Variants in PRIM2 observed in about 807,000 individuals in gnomAD.
PRIM2 encodes DNA primase large subunit.
In PRIM2, 39 loss-of-function variants were observed where a neutral mutation model predicts 67.3. The ratio of observed to expected loss-of-function variants is 0.58; its 90% confidence interval spans 0.45 to 0.76. The LOEUF (loss-of-function observed/expected upper bound fraction) is 0.76. Among genes scored for constraint, PRIM2 ranks in the 30% least tolerant of loss-of-function variants. PRIM2 has a pLI of 0.00. For missense variants in PRIM2, 398 were observed against 598.7 expected (o/e 0.66, Z 3.50); for synonymous variants, 143 against 198.7 (o/e 0.72, Z 2.36).
chr6:57,494,927 C>A (rs1347595021), intron 7 of PRIM2, among the ~76,000 whole-genome samples: 1 of 152,130 alleles, frequency 6.6e-6, no homozygotes, highest in East Asian at 1.9e-4. Flanking sequence ...AGACATTATA[C>A]TTTTCTATTT....
At chr6:57,296,705 A>G in the PRIM2 span, among the ~76,000 whole-genome samples, 1 of 152,012 alleles carries the variant, frequency 6.6e-6, no homozygotes, top group Non-Finnish European at 1.5e-5. Context: ...CTGTATGCAG[A>G]GAGGGCCTGG....
chr6:57,285,532 T>A, the PRIM2 span, among the ~76,000 whole-genome samples: 13 of 152,182 alleles, frequency 8.5e-5, no homozygotes, highest in Non-Finnish European at 1.8e-4. Flanking sequence ...CACATCATTA[T>A]CTCGATAGAT....
At chr6:57,508,281 G>C (rs1268681113) in intron 8 of PRIM2, among the ~76,000 whole-genome samples, 193 of 151,664 alleles carry the variant, frequency 1.3e-3, no homozygotes, top group African/African-American at 4.6e-3. Flanking sequence ...TTTTTACTTA[G>C]TGTTGAAATT....
intron 7 of PRIM2, among the ~76,000 whole-genome samples, chr6:57,436,297 C>T (rs1371916491): frequency 6.6e-6 from 1 of 152,098 alleles, no homozygotes; most frequent in Non-Finnish European, 1.5e-5. Context: ...ATGAATAAAC[C>T]ACACCATATC....
intron 8 of PRIM2, among the ~76,000 whole-genome samples, chr6:57,513,459 A>C (rs1183855168): frequency 2.0e-5 from 3 of 151,456 alleles, no homozygotes; most frequent in African/African-American, 7.3e-5. Context: ...CATATTATAC[A>C]TGTGATAACT....
chr6:57,431,462 G>C (rs1771824422), intron 7 of PRIM2, among the ~76,000 whole-genome samples: 1 of 151,824 alleles, frequency 6.6e-6, no homozygotes, highest in Non-Finnish European at 1.5e-5. Flanking sequence ...AGACCAGCCT[G>C]GGCAATAAAG....
Position 57,461,640 on chromosome 6 carries a change from G to A in PRIM2, c.694-45747G>A, listed in dbSNP as rs1409620281. On this transcript the variant is annotated intron_variant, in intron 7 of 13. Coordinates refer to ENST00000615550, the MANE Select transcript of PRIM2 (RefSeq NM_000947.5). ...TTTTCAATGTATGTATCTTTAATAA[G>A]GTAATAGGAAATCCATGTTTCATCT... Among the ~76,000 whole-genome samples the A allele has an allele frequency of 1.9e-4, 29 of 152,072 alleles. No homozygotes were observed. In the South Asian group the frequency reaches 5.6e-3, roughly 29 times the overall value.
chr6:57,227,641 C>CAAAA, the PRIM2 span, among the ~76,000 whole-genome samples: 39 of 84,002 alleles, frequency 4.6e-4, no homozygotes, highest in Non-Finnish European at 6.6e-4. Context: ...GAGACCATCT[C>CAAAA]AAAAAAAAAA....
intron 5 of PRIM2, among the ~76,000 whole-genome samples, chr6:57,331,787 C>A (rs955306572): frequency 2.6e-5 from 4 of 151,352 alleles, no homozygotes; most frequent in African/African-American, 9.7e-5. Context: ...TTAGAGTCTT[C>A]TCTTTTTTTT....
chr6:57,634,057 A>G (rs1292445805), intron 13 of PRIM2, among the ~76,000 whole-genome samples: 2 of 152,242 alleles, frequency 1.3e-5, no homozygotes, highest in East Asian at 1.9e-4. Flanking sequence ...AAGTTAAACA[A>G]TCTGTGTGGG....
intron 7 of PRIM2, among the ~76,000 whole-genome samples, chr6:57,415,353 T>C (rs1431828154): frequency 6.6e-6 from 1 of 152,218 alleles, no homozygotes; most frequent in Admixed American, 6.6e-5. Flanking sequence ...AGGCATGCCA[T>C]ATAAATTTTT....
At chr6:57,242,142 T>C in the PRIM2 span, among the ~76,000 whole-genome samples, 10,691 of 152,254 alleles carry the variant, frequency 0.07, 444 homozygotes, top group Non-Finnish European at 0.1. Context: ...TACAAGGTAA[T>C]GAGATCACAC....
intron 7 of PRIM2, among the ~76,000 whole-genome samples, chr6:57,421,091 CAG>C (rs1461091268): frequency 2.0e-5 from 3 of 152,000 alleles, no homozygotes; most frequent in Non-Finnish European, 4.4e-5. Context: ...GAAGAGCACT[CAG>C]AGAAGCTCAA....
chr6:57,442,167 G>C (rs1295980995), intron 7 of PRIM2, among the ~76,000 whole-genome samples: 5 of 151,794 alleles, frequency 3.3e-5, no homozygotes, highest in African/African-American at 1.2e-4. Flanking sequence ...TTTTTCTCCT[G>C]GTCTGTAATT....
intron 5 of PRIM2, among the ~76,000 whole-genome samples, chr6:57,330,495 C>T (rs1454150093): frequency 6.6e-6 from 1 of 151,668 alleles, no homozygotes; most frequent in Admixed American, 6.6e-5. Flanking sequence ...CCACCACACC[C>T]TGCTAATTTT....
In PRIM2 at chr6:57,377,057, T is replaced by C. The variant is rs866760548; in HGVS notation, c.460-2844T>C. On this transcript the variant is annotated intron_variant, in intron 5 of 13. Transcript: ENST00000615550. ...ATGCCCAGCTAATTTTTTTTTTTTTTTTTGGTATCTTTAGTAGAGATGGGG... is the reference window on the plus strand; with the variant it reads ...ATGCCCAGCTAATTTTTTTTTTTTTCTTTGGTATCTTTAGTAGAGATGGGG... Among the ~76,000 whole-genome samples the C allele has an allele frequency of 2.7e-4, 41 of 151,294 alleles. No individual in the cohort carries two copies. The South Asian group carries it at 8.6e-3, about 32-fold the overall frequency.
intron 7 of PRIM2, among the ~76,000 whole-genome samples, chr6:57,446,582 C>T (rs1010254205): frequency 2.0e-5 from 3 of 151,598 alleles, no homozygotes; most frequent in Non-Finnish European, 4.4e-5. Flanking sequence ...CCTGGGGCTG[C>T]TTTCCTAGAT....
intron 7 of PRIM2, among the ~76,000 whole-genome samples, chr6:57,431,442 C>G (rs1162779182): frequency 6.6e-6 from 1 of 151,918 alleles, no homozygotes; most frequent in Non-Finnish European, 1.5e-5. Flanking sequence ...CACTTGATCC[C>G]AGGAGTTTCA....
chr6:57,359,122 A>T (rs1243474801), intron 5 of PRIM2, among the ~76,000 whole-genome samples: 1 of 152,222 alleles, frequency 6.6e-6, no homozygotes, highest in Non-Finnish European at 1.5e-5. Flanking sequence ...CCACCTCTTG[A>T]TGTGAGTGGG....
Sources: allele counts gnomAD v4.1 joint callset (sites outside exome capture counted in the v4.1 genomes callset), GRCh38; gene constraint gnomAD v4.1.1; transcripts MANE v1.5; gene names NCBI Gene and HGNC (gene_info 2026-07-23, HGNC 2026-07-21).